DMTF1: variants seen among roughly 807,000 people sequenced by gnomAD.
The protein encoded by DMTF1 is cyclin D binding myb like transcription factor 1.
Under a neutral mutation model 91.1 loss-of-function variants are expected in DMTF1, and 39 were observed. That is an observed-to-expected ratio of 0.43 (90% CI 0.33 to 0.56). The LOEUF (loss-of-function observed/expected upper bound fraction) is 0.56. Ranked by LOEUF, DMTF1 falls within the 20% of genes least tolerant of loss-of-function variation. DMTF1 has a pLI of 0.05. For synonymous variants in DMTF1, 338 were observed against 309.5 expected, an observed-to-expected ratio of 1.09 and a Z score of -0.97; for missense variants, 750 against 914.5, an observed-to-expected ratio of 0.82 and a Z score of 2.32.
chr7:87,153,452 T>A (rs1789843962), intron 1 of DMTF1, among the ~76,000 whole-genome samples: 1 of 152,190 alleles, frequency 6.6e-6, no homozygotes, highest in Non-Finnish European at 1.5e-5. Flanking sequence ...GATTTGAGAG[T>A]AGAAGTGGCC....
At chr7:87,173,696 A>T in intron 6 of DMTF1, 47 bp downstream of exon 6, 1 of 1,268,782 alleles carries the variant, frequency 7.9e-7, no homozygotes, top group South Asian at 1.3e-5. Flanking sequence ...AAAAATGGAG[A>T]TAGAAAGGGC....
At chr7:87,188,014 TCCC>T in intron 12 of DMTF1, 75 bp from the exon 13 acceptor site, 2 of 1,133,322 alleles carry the variant, frequency 1.8e-6, no homozygotes, top group Non-Finnish European at 2.7e-6. Context: ...CCTCCTTACC[TCCC>T]CCCACCTCCC....
At position 87,193,135 on chromosome 7, in the gene DMTF1, G is replaced by C. The variant is rs1002087953; in HGVS notation, c.1495-63G>C. 1.1e-5 allele frequency: 18 copies of C among 1,568,018 alleles called. No individual in the cohort carries two copies. In the African/African-American group the frequency reaches 2.3e-4, roughly 20 times the overall value. ...ATTTGTGTCTAGTAAACTAAACTCA[G>C]TCCGTTTTTGTATATAAAAGTAGAC... On this transcript the variant is annotated intron_variant, in intron 14 of 17. Coordinates refer to ENST00000331242, the MANE Select transcript of DMTF1 (RefSeq NM_001142327.2).
chr7:87,192,644 GTTTATTGGTCAAT>G, intron 14 of DMTF1: 1 of 152,098 alleles, frequency 6.6e-6, no homozygotes. Flanking sequence ...GTCGTGAAAA[GTTTATTGGTCAAT>G]TTTATTATAC....
intron 14 of DMTF1, chr7:87,192,472 C>A (rs1489048154): frequency 1.3e-5 from 2 of 151,998 alleles, no homozygotes; most frequent in Admixed American, 6.6e-5. Flanking sequence ...ATAAGGAAAC[C>A]TATATTTGGG....
intron 8 of DMTF1, among the ~76,000 whole-genome samples, chr7:87,180,194 T>G (rs1209931138): frequency 6.6e-6 from 1 of 152,224 alleles, no homozygotes; most frequent in Admixed American, 6.5e-5. Flanking sequence ...GATTATATAC[T>G]GTTACTGACA....
At chr7:87,156,102 G>C (rs1224243198) in intron 1 of DMTF1, among the ~76,000 whole-genome samples, 2 of 152,132 alleles carry the variant, frequency 1.3e-5, no homozygotes, top group African/African-American at 4.8e-5. Context: ...AGCCTCTGAT[G>C]GTGCCTTGTA....
rs1800862449 is a variant in DMTF1 at position 87,194,760 on chromosome 7, C to T, written c.2105C>T (p.Pro702Leu). Residue 702 changes from proline (P) to leucine (L), a missense_variant, in exon 17 of 18, where the codon CCA becomes CTA. Physicochemically the swap from Pro to Leu is moderately conservative, Grantham distance 98. This residue lies in a region of DMTF1 where 410 missense variants were observed against 420.2 expected (regional missense o/e 0.98). Coordinates refer to ENST00000331242, the MANE Select transcript of DMTF1 (RefSeq NM_001142327.2). ...DDETILIVPS[P>L]HGFIQASDVI... is the part of the protein sequence containing the mutation. ...GAAACAATACTTATCGTTCCTTCACCACATGGCTTTATCCAGGCATCTGAT... is the reference window on the plus strand; with the variant it reads ...GAAACAATACTTATCGTTCCTTCACTACATGGCTTTATCCAGGCATCTGAT... 6.2e-7 allele frequency: 1 copy of T among 1,611,554 alleles called. No individual in the cohort carries two copies. Among genetic ancestry groups the T allele is most frequent in the African/African-American group, 1.3e-5 (1 of 74,692 alleles).
chr7:87,183,893 A>C (rs1202414303), intron 10 of DMTF1, among the ~76,000 whole-genome samples: 1 of 152,236 alleles, frequency 6.6e-6, no homozygotes, highest in Non-Finnish European at 1.5e-5. Context: ...TGAGGAAACA[A>C]GATGGTAGAA....
At chr7:87,178,950 C>G (rs564912240) in intron 7 of DMTF1, among the ~76,000 whole-genome samples, 1 of 151,772 alleles carries the variant, frequency 6.6e-6, no homozygotes, top group Non-Finnish European at 1.5e-5. Flanking sequence ...TCTGTCTCTT[C>G]CAGAGTCAGT....
chr7:87,181,453 G>A, intron 9 of DMTF1, 112 bp downstream of exon 9: 1 of 536,366 alleles, frequency 1.9e-6, no homozygotes, highest in East Asian at 3.3e-5. Flanking sequence ...ATTGAATTGT[G>A]CTATTAAGCA....
Position 87,193,990 on chromosome 7 carries a change from A to G in DMTF1, c.1916A>G (p.Asn639Ser), listed in dbSNP as rs1390105234. 2 of 1,613,402 alleles carry G rather than the reference A, an allele frequency of 1.2e-6. No homozygotes were observed. The highest frequency in any genetic ancestry group is 4.5e-5 in the East Asian group (2 of 44,852). ...CATGTATCCAAATTCAGTGACCAAAATAGCACAGAACTGATGAATAGTGTT... is the reference window on the plus strand; with the variant it reads ...CATGTATCCAAATTCAGTGACCAAAGTAGCACAGAACTGATGAATAGTGTT... ...DAHVSKFSDQ[N>S]STELMNSVMV... The change falls in exon 16 of 18, where the codon AAT becomes AGT. Residue 639 changes from asparagine to serine, a missense_variant. Around this residue, in one of 3 missense-constraint regions of DMTF1, gnomAD observed 410 missense variants for 420.2 expected, o/e 0.98. Transcript: ENST00000331242.
chr7:87,174,443 A>AC, intron 6 of DMTF1, 150 bp from the exon 7 acceptor site: 1 of 563,622 alleles, frequency 1.8e-6, no homozygotes, highest in East Asian at 3.0e-5. Context: ...AAGCAAGTTT[A>AC]CCTAGAGACC....
intron 12 of DMTF1, 173 bp downstream of exon 12, chr7:87,186,153 C>G (rs1002828618): frequency 3.1e-6 from 2 of 638,982 alleles, no homozygotes. Context: ...AGAGTTAATA[C>G]TGTTTGTAAT....
In DMTF1 at chr7:87,195,273, A is replaced by C; in HGVS notation, c.*133A>C. 5 of 623,022 alleles carry C rather than the reference A, an allele frequency of 8.0e-6. No individual in the cohort carries two copies. The South Asian group carries it at 1.0e-4, about 13-fold the overall frequency. 38.6% of individuals were successfully genotyped at this position (623,022 alleles called of 1,614,324 possible). A position where few individuals can be genotyped will look rare whatever the true frequency, so the allele number is the denominator to read the frequency against. ...TAGCCACAGTCCTTAAGCCACACAC[A>C]TTGTTGCTGCTATGACTTTTTACCT... On this transcript the variant is annotated 3_prime_UTR_variant, in exon 18 of 18. Coordinates refer to ENST00000331242, the MANE Select transcript of DMTF1 (RefSeq NM_001142327.2).
chr7:87,188,406 G>A, intron 13 of DMTF1, 105 bp downstream of exon 13: 1 of 1,187,088 alleles, frequency 8.4e-7, no homozygotes, highest in Non-Finnish European at 1.2e-6. Flanking sequence ...ATTTACCCAA[G>A]TCGGTGAACT....
intron 6 of DMTF1, 94 bp from the exon 7 acceptor site, chr7:87,174,499 C>T: frequency 1.2e-6 from 1 of 803,978 alleles, no homozygotes; most frequent in Non-Finnish European, 1.9e-6. Flanking sequence ...TAAATTTTAT[C>T]CCCAAATATA....
intron 1 of DMTF1, among the ~76,000 whole-genome samples, chr7:87,162,274 T>C (rs2129059853): frequency 6.6e-6 from 1 of 152,246 alleles, no homozygotes; most frequent in African/African-American, 2.4e-5. Context: ...TAGATCTCAC[T>C]ATCTCAGGCT....
intron 9 of DMTF1, 35 bp from the exon 10 acceptor site, chr7:87,182,193 T>C: frequency 1.2e-6 from 2 of 1,613,838 alleles, no homozygotes; most frequent in South Asian, 1.1e-5. Flanking sequence ...AGAAAACAAT[T>C]GAACCAAATG....
Sources: allele counts gnomAD v4.1 joint callset (sites outside exome capture counted in the v4.1 genomes callset), GRCh38; gene constraint gnomAD v4.1.1; regional missense constraint gnomAD v4.1.1; transcripts MANE v1.5; gene names NCBI Gene and HGNC (gene_info 2026-07-23, HGNC 2026-07-21).